The following MPP7 variants were observed in gnomAD, a reference collection of about 807,000 sequenced individuals.
MPP7 encodes the protein MAGUK p55 subfamily member 7.
MPP7 carries 60 observed loss-of-function variants against 76.5 expected under a neutral mutation model. That is an observed-to-expected ratio of 0.78 (90% confidence interval 0.64 to 0.97). The LOEUF is 0.97. Among genes scored for constraint, MPP7 ranks in the 50% least tolerant of loss-of-function variants. The pLI is 0.00. For missense variants in MPP7, 641 were observed against 694.0 expected (o/e 0.92, Z 0.86); for synonymous variants, 237 against 244.5 (o/e 0.97, Z 0.29).
intron 11 of MPP7, among the ~76,000 whole-genome samples, chr10:28,105,881 C>A (rs1290507827): frequency 6.6e-6 from 1 of 152,050 alleles, no homozygotes; most frequent in African/African-American, 2.4e-5. Context: ...GCCAAATGAG[C>A]CAGAAATTTT....
chr10:28,238,463 A>C, intron 2 of MPP7, 105 bp downstream of exon 2: 1 of 1,264,410 alleles, frequency 7.9e-7, no homozygotes, highest in Non-Finnish European at 1.1e-6. Context: ...GGTGACAGAA[A>C]AACAAGCATG....
intron 1 of MPP7, among the ~76,000 whole-genome samples, chr10:28,300,965 G>A (rs1353510919): frequency 2.0e-5 from 3 of 147,092 alleles, no homozygotes; most frequent in African/African-American, 7.5e-5. Flanking sequence ...AAAAAAAAAA[G>A]AGTTCCATTC....
At chr10:28,142,598 G>A (rs1835557346) in intron 5 of MPP7, among the ~76,000 whole-genome samples, 1 of 152,122 alleles carries the variant, frequency 6.6e-6, no homozygotes, top group South Asian at 2.1e-4. Context: ...AGGTGTGGTG[G>A]CGTGCACCTG....
chr10:28,320,679 T>C (rs1394749127), intron 2 of MPP7, among the ~76,000 whole-genome samples: 2 of 152,128 alleles, frequency 1.3e-5, no homozygotes, highest in Non-Finnish European at 2.9e-5. Flanking sequence ...CTCTTCATTA[T>C]TCAGGGTGGG....
chr10:28,151,345 T>C lies in MPP7; in HGVS notation c.157-1286A>G, dbSNP rs914110939. On this transcript the variant is annotated intron_variant, in intron 3 of 16. Coordinates refer to ENST00000683449, the MANE Select transcript of MPP7 (RefSeq NM_001318170.2). ...AATAAACTTTAAAGACTGTAAGCTATAAAAAGAGTTAGATTTGATTTGAGA... is the reference window on the plus strand; with the variant it reads ...AATAAACTTTAAAGACTGTAAGCTACAAAAAGAGTTAGATTTGATTTGAGA... Among the ~76,000 whole-genome samples, 7 of 152,180 alleles carry C rather than the reference T, an allele frequency of 4.6e-5. No individual in the cohort carries two copies. The East Asian group carries it at 1.3e-3, about 29-fold the overall frequency.
At chr10:28,155,589 C>A (rs1836027297) in intron 3 of MPP7, among the ~76,000 whole-genome samples, 1 of 117,368 alleles carries the variant, frequency 8.5e-6, no homozygotes, top group South Asian at 2.8e-4. Context: ...CAGAGCCAGA[C>A]CCTGTCTCCA....
chr10:28,234,585 A>G (rs1330798210), intron 2 of MPP7, among the ~76,000 whole-genome samples: 1 of 152,192 alleles, frequency 6.6e-6, no homozygotes, highest in African/African-American at 2.4e-5. Flanking sequence ...ACAGTTATAA[A>G]TCGAGTTGAC....
chr10:28,252,882 G>A (rs1324717908), intron 1 of MPP7, among the ~76,000 whole-genome samples: 2 of 151,864 alleles, frequency 1.3e-5, no homozygotes, highest in African/African-American at 2.4e-5. Flanking sequence ...CTGTGTCCTA[G>A]AAAGGGTCTT....
intron 6 of MPP7, among the ~76,000 whole-genome samples, chr10:28,130,661 G>A (rs987794132): frequency 1.3e-5 from 2 of 152,040 alleles, no homozygotes; most frequent in South Asian, 2.1e-4. Context: ...TTTTCATTGC[G>A]CTTTGACAGT....
intron 1 of MPP7, among the ~76,000 whole-genome samples, chr10:28,259,926 T>C (rs1839897505): frequency 6.6e-6 from 1 of 151,952 alleles, no homozygotes; most frequent in Admixed American, 6.6e-5. Flanking sequence ...AAGGCTGCAG[T>C]GAGCCATGAT....
intron 12 of MPP7, among the ~76,000 whole-genome samples, chr10:28,080,943 A>G (rs1243953831): frequency 1.3e-5 from 2 of 152,198 alleles, no homozygotes; most frequent in Admixed American, 6.5e-5. Flanking sequence ...TTTAGTTTTG[A>G]GCACTTACTT....
At chr10:28,085,940 C>G (rs1852986827) in intron 12 of MPP7, among the ~76,000 whole-genome samples, 1 of 152,124 alleles carries the variant, frequency 6.6e-6, no homozygotes, top group South Asian at 2.1e-4. Context: ...ACATATACAC[C>G]ATGGAATACT....
intron 5 of MPP7, among the ~76,000 whole-genome samples, chr10:28,135,921 A>C (rs541119294): frequency 6.6e-6 from 1 of 152,300 alleles, no homozygotes; most frequent in African/African-American, 2.4e-5. Flanking sequence ...CAGGCCACAC[A>C]GTAGGAGGTG....
intron 1 of MPP7, among the ~76,000 whole-genome samples, chr10:28,254,246 C>T (rs1839714624): frequency 6.6e-6 from 1 of 152,142 alleles, no homozygotes; most frequent in East Asian, 1.9e-4. Flanking sequence ...CTGAATATAA[C>T]TATCTTGTGG....
chr10:28,307,340 T>C (rs1841264664), upstream of MPP7, among the ~76,000 whole-genome samples: 1 of 152,170 alleles, frequency 6.6e-6, no homozygotes, highest in Non-Finnish European at 1.5e-5. Context: ...GCCATTCTTG[T>C]TCAGGTCTTC....
At chr10:28,161,009 T>C (rs749055423) in intron 3 of MPP7, among the ~76,000 whole-genome samples, 2 of 152,232 alleles carry the variant, frequency 1.3e-5, no homozygotes, top group African/African-American at 2.4e-5. Context: ...CTGCCTTTCA[T>C]GCTTTTCATG....
At chr10:28,055,217 T>C (rs922448803) in intron 16 of MPP7, among the ~76,000 whole-genome samples, 2 of 152,198 alleles carry the variant, frequency 1.3e-5, no homozygotes, top group African/African-American at 4.8e-5. Context: ...CATTGTCACA[T>C]AAGATTTCAC....
rs991808026 is a variant in MPP7 at position 28,089,755 on chromosome 10, C to T, written c.1039G>A (p.Asp347Asn). ...TCGTATGTGGGTACGTCAGCTGTGT[C>T]GTACTGATCACTCTTCTTGCATTCA... ...MYECKKSDQY[D>N]TADVPTYEEV... The change falls in exon 12 of 17, where the codon GAC becomes AAC. Residue 347 changes from aspartate to asparagine, a missense_variant. Asp to Asn is a conservative substitution (Grantham distance 23). Coordinates refer to ENST00000683449, the MANE Select transcript of MPP7 (RefSeq NM_001318170.2). 3.1e-6 allele frequency: 5 copies of T among 1,612,722 alleles called. No individual in the cohort carries two copies. Among genetic ancestry groups the T allele is most frequent in the East Asian group, 2.2e-5 (1 of 44,864 alleles).
intron 2 of MPP7, among the ~76,000 whole-genome samples, chr10:28,216,892 T>C (rs1347328890): frequency 6.6e-6 from 1 of 152,072 alleles, no homozygotes; most frequent in East Asian, 1.9e-4. Flanking sequence ...GAACGAAAAC[T>C]TGGAAAATCC....
Sources: allele counts gnomAD v4.1 joint callset (sites outside exome capture counted in the v4.1 genomes callset), GRCh38; gene constraint gnomAD v4.1.1; transcripts MANE v1.5; gene names NCBI Gene and HGNC (gene_info 2026-07-23, HGNC 2026-07-21).